PIEZO2: variants seen among roughly 807,000 people sequenced by gnomAD.
The protein encoded by PIEZO2 is piezo-type mechanosensitive ion channel component 2.
In PIEZO2, 172 loss-of-function variants were observed where a neutral mutation model predicts 337.3. The observed-to-expected ratio is 0.51, with a 90% confidence interval of 0.45 to 0.58. PIEZO2 has a LOEUF of 0.58. Among genes scored for constraint, PIEZO2 ranks in the 20% least tolerant of loss-of-function variants. PIEZO2 has a pLI of 0.00. For synonymous variants in PIEZO2, 1,251 were observed against 1,228.5 expected (o/e 1.02, Z -0.38); for missense variants, 3,028 against 3,391.3 (o/e 0.89, Z 2.66).
intron 1 of PIEZO2, among the ~76,000 whole-genome samples, chr18:11,135,820 A>C (rs925331516): frequency 6.6e-6 from 1 of 152,244 alleles, no homozygotes; most frequent in South Asian, 2.1e-4. Context: ...TATTTTAAAA[A>C]GAGTTTGTTT....
At position 11,143,023 on chromosome 18, in the gene PIEZO2, G is replaced by C. The variant is rs2040701438; in HGVS notation, c.64+5502C>G. Among the ~76,000 whole-genome samples, 1 of 152,168 alleles carries C rather than the reference G, an allele frequency of 6.6e-6. No homozygotes were observed. The highest frequency in any genetic ancestry group is 2.4e-5 in the African/African-American group (1 of 41,442). Reference sequence around the variant, plus strand: ...GAACCCAGGAGGCGGAGCTTGCAGTGAGCCAAGATCACGCCACTGCACTCC... The same window carrying C: ...GAACCCAGGAGGCGGAGCTTGCAGTCAGCCAAGATCACGCCACTGCACTCC... On this transcript the variant is annotated intron_variant, in intron 1 of 55. Transcript: ENST00000674853. The surrounding 1 kb of genome is among the most constrained non-coding windows in gnomAD (Gnocchi z 4.9).
intron 4 of PIEZO2, among the ~76,000 whole-genome samples, chr18:10,885,653 G>A (rs993567314): frequency 6.6e-6 from 1 of 152,176 alleles, no homozygotes; most frequent in Non-Finnish European, 1.5e-5. Context: ...TGGGAACCTT[G>A]ACTGTTTTCC....
At chr18:10,811,223 G>T (rs899440764) in intron 7 of PIEZO2, among the ~76,000 whole-genome samples, 3 of 152,138 alleles carry the variant, frequency 2.0e-5, no homozygotes, top group African/African-American at 7.2e-5. Flanking sequence ...GCCGGGAAAT[G>T]TCTATGATTT....
intron 1 of PIEZO2, among the ~76,000 whole-genome samples, chr18:11,100,700 A>C (rs1319452716): frequency 6.6e-6 from 1 of 152,032 alleles, no homozygotes; most frequent in Non-Finnish European, 1.5e-5. Context: ...GGTTCACGCC[A>C]TTCTCCTGCC....
At chr18:10,961,943 C>T (rs1025032910) in intron 3 of PIEZO2, among the ~76,000 whole-genome samples, 14 of 152,108 alleles carry the variant, frequency 9.2e-5, no homozygotes, top group Non-Finnish European at 1.9e-4. Context: ...CACAAGCATA[C>T]GCATCAGCAT....
rs1166620494 is a variant in PIEZO2 at position 10,682,691 on chromosome 18, A to G, written c.7498-399T>C. ...CTTTACTTTCAATTCCTGAATATTT[A>G]AAATCTGTGCCTTTCAGTTGACCCT... On this transcript the variant is annotated intron_variant, in intron 49 of 55. Transcript: ENST00000674853. The surrounding 1 kb of genome is among the most constrained non-coding windows in gnomAD (Gnocchi z 5.6). Among the ~76,000 whole-genome samples, 1 of 152,224 alleles carries G rather than the reference A, an allele frequency of 6.6e-6. No individual in the cohort carries two copies. Among genetic ancestry groups the G allele is most frequent in the Non-Finnish European group, 1.5e-5 (1 of 68,040 alleles).
At chr18:10,754,568 G>A (rs71364236) in intron 27 of PIEZO2, among the ~76,000 whole-genome samples, 32,101 of 152,110 alleles carry the variant, frequency 0.21, 3,940 homozygotes, top group South Asian at 0.28. Flanking sequence ...TTATGATTTA[G>A]GTTTTTCATG....
intron 7 of PIEZO2, among the ~76,000 whole-genome samples, chr18:10,831,557 G>C (rs907802876): frequency 1.3e-5 from 2 of 152,128 alleles, no homozygotes; most frequent in African/African-American, 4.8e-5. Flanking sequence ...AATATTAATA[G>C]AATGAATAAA....
At chr18:10,818,485 T>A (rs1270472786) in intron 7 of PIEZO2, among the ~76,000 whole-genome samples, 1 of 152,206 alleles carries the variant, frequency 6.6e-6, no homozygotes, top group South Asian at 2.1e-4. Flanking sequence ...TTACTCTAGA[T>A]GAATTCGAGC....
intron 7 of PIEZO2, among the ~76,000 whole-genome samples, chr18:10,808,539 TTGA>T: frequency 6.6e-6 from 1 of 152,356 alleles, no homozygotes; most frequent in Middle Eastern, 3.4e-3. Flanking sequence ...TATTAGTGTA[TTGA>T]TGAACACAGA....
rs1163126804 is a variant in PIEZO2, at chr18:11,123,269, T to C, written c.64+25256A>G. ...ACTTAGCTTTTGCATCTGATTTTAATTGGATTTTAATTTTGCTTCCTCTAA... is the reference window on the plus strand; with the variant it reads ...ACTTAGCTTTTGCATCTGATTTTAACTGGATTTTAATTTTGCTTCCTCTAA... On this transcript the variant is annotated intron_variant, in intron 1 of 55. Transcript: ENST00000674853. Among the ~76,000 whole-genome samples the C allele has an allele frequency of 2.0e-5, 3 of 152,210 alleles. No homozygotes were observed. The East Asian group carries it at 5.8e-4, about 29-fold the overall frequency.
At chr18:10,887,876 A>C (rs2042652122) in intron 4 of PIEZO2, among the ~76,000 whole-genome samples, 1 of 152,168 alleles carries the variant, frequency 6.6e-6, no homozygotes, top group South Asian at 2.1e-4. Context: ...AGTTCAACAC[A>C]CTGGGAGGCA....
intron 2 of PIEZO2, among the ~76,000 whole-genome samples, chr18:10,999,463 CT>C (rs1388851979): frequency 1.3e-5 from 2 of 152,118 alleles, no homozygotes; most frequent in Non-Finnish European, 2.9e-5. Flanking sequence ...CAGACCTTTT[CT>C]TTTCTTGTCC....
intron 3 of PIEZO2, among the ~76,000 whole-genome samples, chr18:10,971,033 T>G (rs913155753): frequency 6.6e-6 from 1 of 152,176 alleles, no homozygotes; most frequent in Non-Finnish European, 1.5e-5. Context: ...TCACTGCCCC[T>G]TGATGCTTGG....
intron 33 of PIEZO2, 60 bp from the exon 34 acceptor site, chr18:10,736,770 A>C: frequency 6.7e-7 from 1 of 1,490,988 alleles, no homozygotes; most frequent in Non-Finnish European, 9.0e-7. Context: ...TTGGGGGCTT[A>C]TTAATGAAAT....
chr18:11,079,711 C>T (rs2038672275), intron 1 of PIEZO2, among the ~76,000 whole-genome samples: 1 of 152,180 alleles, frequency 6.6e-6, no homozygotes, highest in Non-Finnish European at 1.5e-5. Context: ...CAGTAAACCA[C>T]AAATTCATAA....
At chr18:10,955,996 C>T (rs2033504839) in intron 3 of PIEZO2, among the ~76,000 whole-genome samples, 1 of 152,110 alleles carries the variant, frequency 6.6e-6, no homozygotes, top group Non-Finnish European at 1.5e-5. Flanking sequence ...TCTTTGACAT[C>T]CTTTCTTTGG....
In PIEZO2 at chr18:10,705,317, C is replaced by G; in HGVS notation, c.5999+19G>C. On this transcript the variant is annotated intron_variant, in intron 41 of 55. Transcript: ENST00000674853. ...GGTGATTTGGGGATATGTGTCTGATCTGTTCACTGGACCCTTACTTTTTCA... is the reference window on the plus strand; with the variant it reads ...GGTGATTTGGGGATATGTGTCTGATGTGTTCACTGGACCCTTACTTTTTCA... 6.6e-7 allele frequency: 1 copy of G among 1,516,404 alleles called. No homozygotes were observed. The highest frequency in any genetic ancestry group is 1.4e-5 in the African/African-American group (1 of 72,852). The allele number at this position is 1,516,404 out of a possible 1,614,324, so 93.9% of individuals were successfully genotyped here. A position where few individuals can be genotyped will look rare whatever the true frequency, so the allele number is the denominator to read the frequency against.
Position 11,016,594 on chromosome 18 carries a change from T to A in PIEZO2, c.161-36934A>T, listed in dbSNP as rs2036123568. ...GTTACTCATTTAAACAAGTGATAAC[T>A]CAAGGTAAAAAGAAAACAAATGCTG... On this transcript the variant is annotated intron_variant, in intron 2 of 55. Coordinates refer to ENST00000674853, the MANE Select transcript of PIEZO2 (RefSeq NM_001378183.1). The surrounding 1 kb of genome is among the most constrained non-coding windows in gnomAD (Gnocchi z 5.6). Among the ~76,000 whole-genome samples, 1 of 152,030 alleles carries A rather than the reference T, an allele frequency of 6.6e-6. No individual in the cohort carries two copies. Among genetic ancestry groups the A allele is most frequent in the Non-Finnish European group, 1.5e-5 (1 of 68,020 alleles).
Sources: gnomAD v4.1 joint callset for allele counts (sites outside exome capture counted in the v4.1 genomes callset) on GRCh38, gnomAD v4.1.1 for gene constraint, Gnocchi (gnomAD v3.1) non-coding constraint, MANE v1.5 for transcripts, NCBI Gene and HGNC (gene_info 2026-07-23, HGNC 2026-07-21) for gene names.